The following MTX3 variants were observed in gnomAD, a reference collection of about 807,000 sequenced individuals.
MTX3 encodes the protein metaxin-3.
In MTX3, 27 loss-of-function variants were observed where a neutral mutation model predicts 42.5. The observed-to-expected ratio is 0.64, with a 90% CI of 0.47 to 0.88. The LOEUF (loss-of-function observed/expected upper bound fraction) is 0.88, where lower values mean the gene tolerates loss of function less well. MTX3 is among the 40% of genes least tolerant of loss of function. The pLI is 0.00. For synonymous variants in MTX3, 144 were observed against 132.9 expected, an observed-to-expected ratio of 1.08 and a Z score of -0.57; for missense variants, 378 against 367.0, an observed-to-expected ratio of 1.03 and a Z score of -0.25.
rs564463073 is a variant in MTX3 at position 79,981,678 on chromosome 5, G to A, written c.*2006C>T. 6.6e-6 allele frequency: 1 copy of A among 152,174 alleles called. No homozygotes were observed. Among genetic ancestry groups the A allele is most frequent in the South Asian group, 2.1e-4 (1 of 4,820 alleles). 9.4% of individuals were successfully genotyped at this position (152,174 alleles called of 1,614,324 possible). A position where few individuals can be genotyped will look rare whatever the true frequency, so the allele number is the denominator to read the frequency against. ...GCATTATCTTTTGACTTTGCCCATG[G>A]AGAAACTTGGAGTTAAATTTACTAC... is the stretch of plus-strand genomic sequence containing the variant. On this transcript the variant is annotated 3_prime_UTR_variant, in exon 9 of 9. Coordinates refer to ENST00000512528, the MANE Select transcript of MTX3 (RefSeq NM_001363818.2).
At position 79,991,184 on chromosome 5, in the gene MTX3, C is replaced by A; in HGVS notation, c.55G>T (p.Val19Phe). The A allele has an allele frequency of 6.6e-7, 1 of 1,506,094 alleles. No individual in the cohort carries two copies. The highest frequency in any genetic ancestry group is 1.8e-4 in the Middle Eastern group (1 of 5,676). 93.3% of individuals were successfully genotyped at this position (1,506,094 alleles called of 1,614,324 possible). The change falls in exon 1 of 9, where the codon GTT becomes TTT. Residue 19 changes from valine to phenylalanine, a missense_variant. Coordinates refer to ENST00000512528, the MANE Select transcript of MTX3 (RefSeq NM_001363818.2). ...CWGGGWGLPS[V>F]HSESLVVMAY... ...ATCACCACCAGGGACTCGCTGTGAA[C>A]CGATGGGAGTCCCCAGCCGCCTCCC...
intron 3 of MTX3, among the ~76,000 whole-genome samples, chr5:79,989,662 C>T (rs1429167471): frequency 6.6e-6 from 1 of 152,106 alleles, no homozygotes; most frequent in Admixed American, 6.5e-5. Flanking sequence ...ACAGTATTGG[C>T]AAAACAAATA....
intron 1 of MTX3, 163 bp downstream of exon 1, chr5:79,990,995 G>A (rs551251804): frequency 7.5e-6 from 6 of 801,134 alleles, no homozygotes; most frequent in Middle Eastern, 2.2e-4. Flanking sequence ...CGGGGGTATC[G>A]GCCAGGTTGG....
At position 79,989,150 on chromosome 5, in the gene MTX3, A is replaced by C; in HGVS notation, c.321+2T>G. On this transcript the variant is annotated splice_donor_variant, in intron 4 of 8. Transcript: ENST00000512528. LOFTEE classifies it high-confidence loss of function. ...AATACTGTAATATTTAAGAACACTC[A>C]CCACTGCAGGGAGAAGCTTCTCTTC... 1.3e-6 allele frequency: 2 copies of C among 1,586,338 alleles called. No homozygotes were observed. The highest frequency in any genetic ancestry group is 4.5e-5 in the East Asian group (2 of 44,566).
In MTX3 at chr5:79,979,365, T is replaced by A. The variant is rs182381956; in HGVS notation, c.*4319A>T. 2 of 152,186 alleles carry A rather than the reference T, an allele frequency of 1.3e-5. No individual in the cohort carries two copies. Among genetic ancestry groups the A allele is most frequent in the African/African-American group, 4.8e-5 (2 of 41,454 alleles). 9.4% of individuals were successfully genotyped at this position (152,186 alleles called of 1,614,324 possible). ...AATCTGGTTAAGAAATATGAAAATATTGAAAAGTAAACATAAATTCCACAA... is the reference window on the plus strand; with the variant it reads ...AATCTGGTTAAGAAATATGAAAATAATGAAAAGTAAACATAAATTCCACAA... On this transcript the variant is annotated 3_prime_UTR_variant, in exon 9 of 9. Transcript: ENST00000512528.
At chr5:79,990,358 G>GT in intron 2 of MTX3, 122 bp from the exon 3 acceptor site, 1 of 745,792 alleles carries the variant, frequency 1.3e-6, no homozygotes, top group African/African-American at 1.8e-5. Flanking sequence ...GCTTGTCTTG[G>GT]TTTTTTTGCT....
Position 79,989,263 on chromosome 5 carries a change from C to G in MTX3, c.229-19G>C. 1 of 1,481,446 alleles carries G rather than the reference C, an allele frequency of 6.8e-7. No individual in the cohort carries two copies. Among genetic ancestry groups the G allele is most frequent in the Non-Finnish European group, 9.2e-7 (1 of 1,089,418 alleles). 91.8% of individuals were successfully genotyped at this position (1,481,446 alleles called of 1,614,324 possible). On this transcript the variant is annotated intron_variant, in intron 3 of 8. Transcript: ENST00000512528. Reference sequence around the variant, plus strand: ...TATATTTCTATTAAAAAAAAATAAACCAAAGAAACTCAGAAGTCAAAGAGC... The same window carrying G: ...TATATTTCTATTAAAAAAAAATAAAGCAAAGAAACTCAGAAGTCAAAGAGC...
chr5:79,990,403 T>C (rs934763314), intron 2 of MTX3, among the ~76,000 whole-genome samples, 167 bp from the exon 3 acceptor site: 6 of 152,204 alleles, frequency 3.9e-5, no homozygotes, highest in African/African-American at 1.4e-4. Flanking sequence ...AACATTTTCG[T>C]TTCTCATAAT....
chr5:79,976,760 C>A lies in MTX3; in HGVS notation c.*6924G>T, dbSNP rs1218793048. On this transcript the variant is annotated 3_prime_UTR_variant, in exon 9 of 9. Coordinates refer to ENST00000512528, the MANE Select transcript of MTX3 (RefSeq NM_001363818.2). ...TTTGAGATTTTTATTGAGAAAATAG[C>A]TATTTTGACATTATATCCAGTTTCT... 1 of 152,514 alleles carries A rather than the reference C, an allele frequency of 6.6e-6. No homozygotes were observed. The highest frequency in any genetic ancestry group is 2.4e-5 in the African/African-American group (1 of 41,422). The allele number at this position is 152,514 out of a possible 1,614,324, so 9.4% of individuals were successfully genotyped here.
Position 79,986,969 on chromosome 5 carries a change from A to G in MTX3, c.720T>C (p.Tyr240=), listed in dbSNP as rs1831507032. The G allele has an allele frequency of 6.2e-7, 1 of 1,613,900 alleles. No homozygotes were observed. Among genetic ancestry groups the G allele is most frequent in the South Asian group, 1.1e-5 (1 of 91,056 alleles). The change falls in exon 7 of 9, where the codon TAT becomes TAC. Residue 240 remains tyrosine, a synonymous_variant. Transcript: ENST00000512528. ...GCTTACCTCCAAGACTAAGCCTAAA[A>G]TAACTGCTCAGGATGTCATCACAAA... ...CRFCDDILSS[Y]FRLSLGGISP...
In MTX3 at chr5:79,980,563, T is replaced by C. The variant is rs1831350513; in HGVS notation, c.*3121A>G. On this transcript the variant is annotated 3_prime_UTR_variant, in exon 9 of 9. Transcript: ENST00000512528. ...TTCTTTACAGCTTCTTTAGTGTTAC[T>C]TAAAAAAAAAAAAAAAATCAATCTG... The C allele has an allele frequency of 3.3e-5, 3 of 91,562 alleles. No homozygotes were observed. The Admixed American group carries it at 3.3e-4, about 10-fold the overall frequency. The allele number at this position is 91,562 out of a possible 1,614,324, so 5.7% of individuals were successfully genotyped here. A position where few individuals can be genotyped will look rare whatever the true frequency, so the allele number is the denominator to read the frequency against.
chr5:79,983,575 TAG>T lies in MTX3; in HGVS notation c.*107_*108del. The T allele has an allele frequency of 1.3e-6, 1 of 784,472 alleles. No individual in the cohort carries two copies. The highest frequency in any genetic ancestry group is 1.5e-5 in the South Asian group (1 of 67,318). 48.6% of individuals were successfully genotyped at this position (784,472 alleles called of 1,614,324 possible). On this transcript the variant is annotated 3_prime_UTR_variant, in exon 9 of 9. Transcript: ENST00000512528. ...ATGGCATAGAAAGTTCCTTTTGGTT[TAG>T]AGTCTTCCTTAATACCTATTATGGT...
Position 79,987,084 on chromosome 5 carries a change from A to G in MTX3, c.605T>C (p.Val202Ala), listed in dbSNP as rs1561282629. 1.2e-6 allele frequency: 2 copies of G among 1,613,908 alleles called. No individual in the cohort carries two copies. Among genetic ancestry groups the G allele is most frequent in the East Asian group, 2.2e-5 (1 of 44,878 alleles). Residue 202 changes from valine to alanine, a missense_variant, in exon 7 of 9, where the codon GTT (valine) becomes GCT (alanine). By Grantham distance (64) the Val-to-Ala change is moderately conservative. Transcript: ENST00000512528. The part of the protein sequence containing the change: ...GDTPSTLDAY[V>A]FGFLAPLYKV... The stretch of plus-strand genomic sequence containing the variant: ...GTAAAGAGGTGCAAGAAAACCAAAA[A>G]CATAGGCATCCAAGGTAGAAGGCCT...
intron 5 of MTX3, 36 bp downstream of exon 5, chr5:79,988,426 C>T: frequency 6.3e-7 from 1 of 1,591,630 alleles, no homozygotes; most frequent in Non-Finnish European, 8.6e-7. Flanking sequence ...TCCTTTCTCT[C>T]TAGGGCCCTT....
chr5:79,985,376 C>T (rs1831467022), intron 8 of MTX3, among the ~76,000 whole-genome samples, 195 bp downstream of exon 8: 1 of 152,032 alleles, frequency 6.6e-6, no homozygotes, highest in South Asian at 2.1e-4. Flanking sequence ...CTGATCTTTC[C>T]CCAATCAGGC....
rs1831399263 is a variant in MTX3 at position 79,982,670 on chromosome 5, C to G, written c.*1014G>C. The G allele has an allele frequency of 4.5e-6, 1 of 222,150 alleles. No homozygotes were observed. Among genetic ancestry groups the G allele is most frequent in the African/African-American group, 2.3e-5 (1 of 43,286 alleles). The allele number at this position is 222,150 out of a possible 1,614,324, so 13.8% of individuals were successfully genotyped here. ...TTGTATTCTTCGACTATAAGTGAAA[C>G]ATATGAAAAATAATTGGTTGTCAGA... On this transcript the variant is annotated 3_prime_UTR_variant, in exon 9 of 9. Transcript: ENST00000512528.
chr5:79,984,216 T>C (rs1831439034), intron 8 of MTX3, among the ~76,000 whole-genome samples: 1 of 152,194 alleles, frequency 6.6e-6, no homozygotes, highest in Admixed American at 6.5e-5. Context: ...CCTTCTCTGT[T>C]GTACAGATGA....
Position 79,983,085 on chromosome 5 carries a change from TTATC to T in MTX3, c.*595_*598del, listed in dbSNP as rs1235297539. 1 of 154,312 alleles carries T rather than the reference TTATC, an allele frequency of 6.5e-6. No homozygotes were observed. Among genetic ancestry groups the T allele is most frequent in the Admixed American group, 6.4e-5 (1 of 15,698 alleles). The allele number at this position is 154,312 out of a possible 1,614,324, so 9.6% of individuals were successfully genotyped here. A position where few individuals can be genotyped will look rare whatever the true frequency, so the allele number is the denominator to read the frequency against. Reference sequence around the variant, plus strand: ...TATTATATGTAACCACCTTTAATATTTATCTATGTGCTACTAAACCCCCAAAAGA... The same window carrying T: ...TATTATATGTAACCACCTTTAATATTTATGTGCTACTAAACCCCCAAAAGA... On this transcript the variant is annotated 3_prime_UTR_variant, in exon 9 of 9. Coordinates refer to ENST00000512528, the MANE Select transcript of MTX3 (RefSeq NM_001363818.2).
chr5:79,979,904 A>C lies in MTX3; in HGVS notation c.*3780T>G, dbSNP rs1285335818. On this transcript the variant is annotated 3_prime_UTR_variant, in exon 9 of 9. Transcript: ENST00000512528. ...ACTAAGTTGAATACTATGTTTAGAA[A>C]ATTAAAGTTTTAAATCATGGTTTAT... 1 of 152,138 alleles carries C rather than the reference A, an allele frequency of 6.6e-6. No homozygotes were observed. The highest frequency in any genetic ancestry group is 1.9e-4 in the East Asian group (1 of 5,204). The allele number at this position is 152,138 out of a possible 1,614,324, so 9.4% of individuals were successfully genotyped here.
Sources: allele counts gnomAD v4.1 joint callset (sites outside exome capture counted in the v4.1 genomes callset), GRCh38; gene constraint gnomAD v4.1.1; transcripts MANE v1.5; gene names NCBI Gene and HGNC (gene_info 2026-07-23, HGNC 2026-07-21).